Variants in CEP43 observed in about 807,000 individuals in gnomAD.
The protein encoded by CEP43 is centrosomal protein 43.
A neutral mutation model predicts 52.6 loss-of-function variants in CEP43; 36 were observed. The observed-to-expected ratio is 0.68, with a 90% confidence interval of 0.52 to 0.90. The LOEUF is 0.90. CEP43 is among the 40% of genes least tolerant of loss of function. The pLI is 0.00. For missense variants in CEP43, 506 were observed against 472.8 expected (o/e 1.07, Z -0.65); for synonymous variants, 192 against 172.4 (o/e 1.11, Z -0.89).
At position 167,004,269 on chromosome 6, in the gene CEP43, A is replaced by G. The variant is rs765120307; in HGVS notation, c.306A>G (p.Gln102=). The G allele has an allele frequency of 8.1e-6, 13 of 1,596,256 alleles. No individual in the cohort carries two copies. Among genetic ancestry groups the G allele is most frequent in the Admixed American group, 3.6e-5 (2 of 55,616 alleles). Residue 102 remains glutamine (Q), a synonymous_variant, in exon 5 of 13, where the codon CAA becomes CAG. Coordinates refer to ENST00000366847, the MANE Select transcript of CEP43 (RefSeq NM_007045.4). ...AVFQPETSTL[Q]GLEGRENLAR... ...TATTTTAACTTCTTTTCTAGCTGCAAGGTCTCGAAGGTCGAGAGAATTTAG... is the reference window on the plus strand; with the variant it reads ...TATTTTAACTTCTTTTCTAGCTGCAGGGTCTCGAAGGTCGAGAGAATTTAG...
At chr6:167,034,904 T>G (rs1306815087) in intron 12 of CEP43, among the ~76,000 whole-genome samples, 1 of 152,234 alleles carries the variant, frequency 6.6e-6, no homozygotes, top group Non-Finnish European at 1.5e-5. Context: ...CTTATAATTA[T>G]AAATTTAGCT....
At chr6:167,024,509 TCA>T (rs1390198383) in intron 8 of CEP43, among the ~76,000 whole-genome samples, 1 of 152,072 alleles carries the variant, frequency 6.6e-6, no homozygotes, top group Non-Finnish European at 1.5e-5. Context: ...CCGAAAAAAA[TCA>T]CAGTGAAGAG....
intron 5 of CEP43, among the ~76,000 whole-genome samples, chr6:167,010,501 G>A (rs149421535): frequency 7.2e-5 from 11 of 152,348 alleles, no homozygotes; most frequent in Admixed American, 2.6e-4. Flanking sequence ...TTTGTCTGGA[G>A]AGTAGGGAGA....
rs1336933817 is a variant in CEP43 at position 167,050,997 on chromosome 6, T to C, written c.*11019T>C. The C allele has an allele frequency of 6.6e-6, 1 of 152,150 alleles. No individual in the cohort carries two copies. The highest frequency in any genetic ancestry group is 1.9e-4 in the East Asian group (1 of 5,168). 9.4% of individuals were successfully genotyped at this position (152,150 alleles called of 1,614,324 possible). A position where few individuals can be genotyped will look rare whatever the true frequency, so the allele number is the denominator to read the frequency against. On this transcript the variant is annotated 3_prime_UTR_variant, in exon 13 of 13. Coordinates refer to ENST00000366847, the MANE Select transcript of CEP43 (RefSeq NM_007045.4). Reference sequence around the variant, plus strand: ...TCCACAAAAATTTGGAGGCTAGGTCTTTTCAAAGATAGTTTGGTGGGCAGG... The same window carrying C: ...TCCACAAAAATTTGGAGGCTAGGTCCTTTCAAAGATAGTTTGGTGGGCAGG...
At chr6:167,030,983 C>G (rs1389601547) in intron 10 of CEP43, among the ~76,000 whole-genome samples, 1 of 152,186 alleles carries the variant, frequency 6.6e-6, no homozygotes, top group African/African-American at 2.4e-5. Context: ...CTTCCTCCAC[C>G]CATTCTGTCC....
At chr6:167,020,360 A>G (rs1195594302) in intron 7 of CEP43, among the ~76,000 whole-genome samples, 1 of 152,240 alleles carries the variant, frequency 6.6e-6, no homozygotes, top group East Asian at 1.9e-4. Context: ...TACCTGGTGT[A>G]AAGATGTAAA....
At chr6:167,017,096 C>T (rs896756886) in intron 7 of CEP43, among the ~76,000 whole-genome samples, 1 of 151,318 alleles carries the variant, frequency 6.6e-6, no homozygotes, top group Non-Finnish European at 1.5e-5. Flanking sequence ...CCCGGGTTCA[C>T]GGGAGGCTCC....
At chr6:167,032,788 GT>G in intron 11 of CEP43, 146 bp downstream of exon 11, 1 of 699,590 alleles carries the variant, frequency 1.4e-6, no homozygotes. Context: ...AGAAAAGATA[GT>G]TAATCCAAAA....
intron 7 of CEP43, among the ~76,000 whole-genome samples, chr6:167,015,440 T>C (rs747132646): frequency 6.6e-6 from 1 of 152,218 alleles, no homozygotes; most frequent in Non-Finnish European, 1.5e-5. Context: ...TCTCAACATC[T>C]TCATCATCCA....
At chr6:167,036,330 G>T in intron 12 of CEP43, 1 of 985,364 alleles carries the variant, frequency 1.0e-6, no homozygotes, top group Non-Finnish European at 1.2e-6. Context: ...TTCACTGGAG[G>T]GTGCTGTGTG....
In CEP43 at chr6:167,050,795, A is replaced by G. The variant is rs1452832767; in HGVS notation, c.*10817A>G. 3 of 151,830 alleles carry G rather than the reference A, an allele frequency of 2.0e-5. No homozygotes were observed. The highest frequency in any genetic ancestry group is 7.3e-5 in the African/African-American group (3 of 41,368). 9.4% of individuals were successfully genotyped at this position (151,830 alleles called of 1,614,324 possible). On this transcript the variant is annotated 3_prime_UTR_variant, in exon 13 of 13. Transcript: ENST00000366847. ...GACTCAAAAAAGAAAAAAAAAAAAA[A>G]AAAAAAAAAGAAAGAAAATGAGACA...
intron 10 of CEP43, chr6:167,027,931 C>T (rs1780389269): frequency 1.0e-6 from 1 of 985,904 alleles, no homozygotes. Flanking sequence ...GTCCTGGTAA[C>T]TGAGTTGCTG....
chr6:167,032,712 G>A (rs1221908241), intron 11 of CEP43, 70 bp downstream of exon 11: 7 of 1,345,548 alleles, frequency 5.2e-6, no homozygotes, highest in Non-Finnish European at 7.1e-6. Context: ...ACACAGACAA[G>A]ACAAAATTAC....
At chr6:167,029,350 T>A (rs1780419612) in intron 10 of CEP43, among the ~76,000 whole-genome samples, 1 of 152,260 alleles carries the variant, frequency 6.6e-6, no homozygotes, top group Non-Finnish European at 1.5e-5. Flanking sequence ...AGGTTGAGTA[T>A]CCCTTAATGC....
intron 7 of CEP43, among the ~76,000 whole-genome samples, chr6:167,015,433 C>G (rs529759620): frequency 9.8e-5 from 15 of 152,324 alleles, no homozygotes; most frequent in African/African-American, 3.6e-4. Flanking sequence ...TTAACATTCT[C>G]AACATCTTCA....
At chr6:167,013,611 C>G (rs1780031043) in intron 7 of CEP43, 44 bp downstream of exon 7, 1 of 1,529,370 alleles carries the variant, frequency 6.5e-7, no homozygotes, top group Non-Finnish European at 9.0e-7. Flanking sequence ...CTGTGGGCAT[C>G]AGGTCTCGAC....
chr6:167,003,619 A>G, intron 3 of CEP43, 104 bp from the exon 4 acceptor site: 1 of 676,174 alleles, frequency 1.5e-6, no homozygotes. Flanking sequence ...TAAAAAATTT[A>G]GAAACCTTTC....
At chr6:167,011,610 G>T (rs911237056) in intron 6 of CEP43, 2 of 152,252 alleles carry the variant, frequency 1.3e-5, no homozygotes, top group African/African-American at 4.8e-5. Flanking sequence ...GGATAGGTTG[G>T]GGTCTGTCTT....
intron 9 of CEP43, 90 bp from the exon 10 acceptor site, chr6:167,026,457 C>G: frequency 2.6e-6 from 2 of 775,272 alleles, no homozygotes; most frequent in Non-Finnish European, 4.6e-6. Flanking sequence ...CATAAAGAAG[C>G]CCCATATTGA....
Sources: allele counts gnomAD v4.1 joint callset (sites outside exome capture counted in the v4.1 genomes callset), GRCh38; gene constraint gnomAD v4.1.1; transcripts MANE v1.5; gene names NCBI Gene and HGNC (gene_info 2026-07-23, HGNC 2026-07-21).